DYM: variants seen among roughly 807,000 people sequenced by gnomAD.
DYM encodes dymeclin, also known as dyggve-Melchior-Clausen syndrome protein.
A neutral mutation model predicts 93.1 loss-of-function variants in DYM; 78 were observed. The ratio of observed to expected loss-of-function variants is 0.84; its 90% confidence interval spans 0.70 to 1.01. DYM has a LOEUF of 1.01. Among genes scored for constraint, DYM ranks in the 50% least tolerant of loss-of-function variants. The pLI is 0.00. For synonymous variants in DYM, 321 were observed against 319.7 expected, an observed-to-expected ratio of 1.00 and a Z score of -0.04; for missense variants, 789 against 845.0, an observed-to-expected ratio of 0.93 and a Z score of 0.82.
intron 2 of DYM, among the ~76,000 whole-genome samples, chr18:49,400,703 ATTAT>A (rs75075872): frequency 0.095 from 14,477 of 152,180 alleles, 893 homozygotes; most frequent in East Asian, 0.31. Context: ...CAACACACCA[ATTAT>A]TTGTTACATT....
intron 17 of DYM, among the ~76,000 whole-genome samples, chr18:49,055,958 G>A (rs1297251687): frequency 6.6e-6 from 1 of 152,142 alleles, no homozygotes; most frequent in Non-Finnish European, 1.5e-5. Flanking sequence ...ACGGCTTCCC[G>A]CTGCTGGCCA....
In DYM at chr18:49,261,853, T is replaced by C. The variant is rs551204098; in HGVS notation, c.1252-3360A>G. Among the ~76,000 whole-genome samples the C allele has an allele frequency of 2.0e-5, 3 of 152,272 alleles. No homozygotes were observed. In the East Asian group the frequency reaches 5.8e-4, roughly 29 times the overall value. On this transcript the variant is annotated intron_variant, in intron 11 of 17. Transcript: ENST00000675505. ...ATGGAGGAACAAACACTATCTTGAGTTTAGTGTGTATACTCTAGACCATTT... is the reference window on the plus strand; with the variant it reads ...ATGGAGGAACAAACACTATCTTGAGCTTAGTGTGTATACTCTAGACCATTT...
intron 1 of DYM, among the ~76,000 whole-genome samples, chr18:49,438,889 T>C (rs77519199): frequency 0.091 from 13,900 of 152,128 alleles, 858 homozygotes; most frequent in East Asian, 0.31. Flanking sequence ...CGCACAATCG[T>C]CGGCTCCCAA....
At chr18:49,065,135 A>C (rs750430820) in intron 17 of DYM, among the ~76,000 whole-genome samples, 1 of 152,200 alleles carries the variant, frequency 6.6e-6, no homozygotes, top group Non-Finnish European at 1.5e-5. Flanking sequence ...GCAAGTGCTC[A>C]CAGACAAATC....
chr18:49,054,699 A>G (rs1196830271), intron 17 of DYM, among the ~76,000 whole-genome samples: 2 of 152,226 alleles, frequency 1.3e-5, no homozygotes, highest in Non-Finnish European at 2.9e-5. Context: ...CTGGCGACAC[A>G]GAGGGACTTG....
At chr18:49,412,770 AAAG>A (rs1179057639) in intron 2 of DYM, among the ~76,000 whole-genome samples, 1 of 152,244 alleles carries the variant, frequency 6.6e-6, no homozygotes, top group African/African-American at 2.4e-5. Flanking sequence ...TCAAAGATTC[AAAG>A]AAGAAAGTAA....
chr18:49,161,568 A>G (rs983362958), intron 15 of DYM, among the ~76,000 whole-genome samples: 2 of 152,246 alleles, frequency 1.3e-5, no homozygotes, highest in Admixed American at 6.5e-5. Flanking sequence ...TAGGGTTTCT[A>G]AACAGTTACT....
chr18:49,338,985 G>A (rs1484281291), intron 6 of DYM, among the ~76,000 whole-genome samples: 1 of 151,896 alleles, frequency 6.6e-6, no homozygotes, highest in South Asian at 2.1e-4. Context: ...AGAAGAACAC[G>A]AAACTAATAT....
chr18:49,070,114 A>G (rs551284230), intron 17 of DYM, among the ~76,000 whole-genome samples: 185 of 152,310 alleles, frequency 1.2e-3, no homozygotes, highest in Middle Eastern at 6.8e-3. Context: ...CTCCCTGATT[A>G]ATAAAGTACA....
chr18:49,161,764 C>T (rs2087170284), intron 15 of DYM, among the ~76,000 whole-genome samples: 1 of 152,198 alleles, frequency 6.6e-6, no homozygotes, highest in African/African-American at 2.4e-5. Flanking sequence ...CGAGAAAAAA[C>T]TAGCACCAGT....
chr18:49,434,985 A>T (rs1600226778), intron 1 of DYM, among the ~76,000 whole-genome samples: 1 of 152,088 alleles, frequency 6.6e-6, no homozygotes, highest in Non-Finnish European at 1.5e-5. Flanking sequence ...AGGCAGGCGG[A>T]TCACTTGAGG....
chr18:49,204,545 T>G (rs2092367220), intron 14 of DYM, among the ~76,000 whole-genome samples: 1 of 152,218 alleles, frequency 6.6e-6, no homozygotes, highest in Admixed American at 6.5e-5. Flanking sequence ...TATTCACTAC[T>G]CCACCCTGAA....
intron 2 of DYM, among the ~76,000 whole-genome samples, chr18:49,428,491 C>G (rs2074511218): frequency 6.6e-6 from 1 of 152,060 alleles, no homozygotes; most frequent in Non-Finnish European, 1.5e-5. Flanking sequence ...TCGAGACCAG[C>G]CTGGCCAACA....
At position 49,320,506 on chromosome 18, in the gene DYM, G is replaced by A. The variant is rs143133599; in HGVS notation, c.763+11358C>T. Among the ~76,000 whole-genome samples, 319 of 152,052 alleles carry A rather than the reference G, an allele frequency of 2.1e-3. 1 individual carries two copies. Among genetic ancestry groups the A allele is most frequent in the East Asian group, 6.2e-3 (32 of 5,170 alleles). On this transcript the variant is annotated intron_variant, in intron 8 of 17. Transcript: ENST00000675505. ...TATTTTTTAATCAAGACAGAGTCTC[G>A]CGCTGACACCCAGGCTGAAGTGCAA...
intron 17 of DYM, among the ~76,000 whole-genome samples, chr18:49,054,294 T>C (rs752450877): frequency 6.6e-6 from 1 of 152,218 alleles, no homozygotes; most frequent in Admixed American, 6.5e-5. Flanking sequence ...CAAGCTGGAG[T>C]GCAGTGGTGC....
chr18:49,122,888 C>A (rs545151921), intron 15 of DYM, among the ~76,000 whole-genome samples: 1 of 152,256 alleles, frequency 6.6e-6, no homozygotes, highest in African/African-American at 2.4e-5. Flanking sequence ...CTTGGATAAT[C>A]TTTTCTAATT....
At chr18:49,262,064 G>C (rs2094498663) in intron 11 of DYM, among the ~76,000 whole-genome samples, 1 of 152,154 alleles carries the variant, frequency 6.6e-6, no homozygotes, top group African/African-American at 2.4e-5. Flanking sequence ...CATGGATAGA[G>C]GGTCTTTGAA....
chr18:49,445,312 T>C (rs1222921975), intron 1 of DYM, among the ~76,000 whole-genome samples: 1 of 152,168 alleles, frequency 6.6e-6, no homozygotes, highest in South Asian at 2.1e-4. Context: ...TTGCCCAAGA[T>C]TATAGAGCTA....
intron 6 of DYM, among the ~76,000 whole-genome samples, chr18:49,340,554 G>A (rs1346590006): frequency 1.3e-5 from 2 of 152,170 alleles, no homozygotes; most frequent in Non-Finnish European, 2.9e-5. Context: ...GGAAAGGACA[G>A]GCCTTACAGG....
Sources: allele counts gnomAD v4.1 joint callset (sites outside exome capture counted in the v4.1 genomes callset), GRCh38; gene constraint gnomAD v4.1.1; transcripts MANE v1.5; gene names NCBI Gene and HGNC (gene_info 2026-07-23, HGNC 2026-07-21).